BMPER: variants seen among roughly 807,000 people sequenced by gnomAD.
BMPER encodes BMP-binding endothelial regulator protein.
BMPER carries 45 observed loss-of-function variants against 87.3 expected under a neutral mutation model. That is an observed-to-expected ratio of 0.52 (90% CI 0.41 to 0.66). The LOEUF (loss-of-function observed/expected upper bound fraction) is 0.66. Among genes scored for constraint, BMPER ranks in the 30% least tolerant of loss-of-function variants. The pLI is 0.00. For synonymous variants in BMPER, 326 were observed against 316.2 expected (o/e 1.03, Z -0.33); for missense variants, 784 against 867.5 (o/e 0.90, Z 1.21).
At chr7:34,074,681 A>T (rs1221679998) in intron 11 of BMPER, among the ~76,000 whole-genome samples, 1 of 152,216 alleles carries the variant, frequency 6.6e-6, no homozygotes, top group Admixed American at 6.5e-5. Flanking sequence ...TGATCCGTGT[A>T]GTAGCAAAGT....
chr7:33,978,394 T>C (rs1422327981), intron 6 of BMPER, among the ~76,000 whole-genome samples: 1 of 152,232 alleles, frequency 6.6e-6, no homozygotes, highest in Non-Finnish European at 1.5e-5. Flanking sequence ...ATAGTACGAA[T>C]AGACTTTGAC....
intron 6 of BMPER, among the ~76,000 whole-genome samples, chr7:34,018,718 A>G (rs1787103222): frequency 6.6e-6 from 1 of 151,962 alleles, no homozygotes; most frequent in South Asian, 2.1e-4. Flanking sequence ...CATGCTGGAG[A>G]GGAACCATGT....
At chr7:33,973,289 C>T (rs144548937) in intron 5 of BMPER, among the ~76,000 whole-genome samples, 155 of 152,286 alleles carry the variant, frequency 1.0e-3, no homozygotes, top group African/African-American at 3.5e-3. Context: ...TAAAGAGAGA[C>T]GAGTGGGCAT....
At chr7:34,041,226 T>C (rs1277615571) in intron 6 of BMPER, among the ~76,000 whole-genome samples, 1 of 152,190 alleles carries the variant, frequency 6.6e-6, no homozygotes, top group Admixed American at 6.5e-5. Flanking sequence ...GCTTAGAGGC[T>C]CATTCTCTGC....
At chr7:33,916,411 G>A (rs2128603114) in intron 2 of BMPER, among the ~76,000 whole-genome samples, 1 of 152,314 alleles carries the variant, frequency 6.6e-6, no homozygotes, top group East Asian at 1.9e-4. Context: ...GTGACCAGTG[G>A]GCCTGCTGAG....
chr7:34,023,002 A>G (rs989350543), intron 6 of BMPER, among the ~76,000 whole-genome samples: 2 of 152,058 alleles, frequency 1.3e-5, no homozygotes, highest in Admixed American at 1.3e-4. Context: ...AATGAAGACT[A>G]TTTGAGAAGG....
At position 34,051,871 on chromosome 7, in the gene BMPER, A is replaced by G; in HGVS notation, c.687A>G (p.Lys229=). The change falls in exon 8 of 15, where the codon AAA becomes AAG. Residue 229 remains lysine, a synonymous_variant. Transcript: ENST00000649409. ...TCTGTTTCTCTCTAGGTCAGAGGAA[A>G]GTGTTTGACCTCCCTTTTGGGAGCT... is the stretch of plus-strand genomic sequence containing the variant. ...QCCPKCLGQR[K]VFDLPFGSCL... is the part of the protein sequence containing the mutation. 1.2e-6 allele frequency: 2 copies of G among 1,613,178 alleles called. No homozygotes were observed. Among genetic ancestry groups the G allele is most frequent in the South Asian group, 2.2e-5 (2 of 91,078 alleles).
intron 3 of BMPER, among the ~76,000 whole-genome samples, chr7:33,951,576 T>G (rs968838870): frequency 6.6e-6 from 1 of 152,144 alleles, no homozygotes; most frequent in Non-Finnish European, 1.5e-5. Context: ...GATTCAGCAT[T>G]TTGATTTTCC....
chr7:34,143,465 T>G, intron 14 of BMPER, 105 bp downstream of exon 14: 1 of 1,529,824 alleles, frequency 6.5e-7, no homozygotes, highest in Middle Eastern at 2.2e-4. Flanking sequence ...CATGCCCCCT[T>G]GCCAGAGGAA....
chr7:34,027,879 A>G (rs901387888), intron 6 of BMPER, among the ~76,000 whole-genome samples: 1 of 152,110 alleles, frequency 6.6e-6, no homozygotes, highest in African/African-American at 2.4e-5. Context: ...TATTTTTGAT[A>G]TTTTATAATG....
chr7:34,015,822 G>T (rs774663810), intron 6 of BMPER, among the ~76,000 whole-genome samples: 9 of 151,900 alleles, frequency 5.9e-5, no homozygotes, highest in Non-Finnish European at 1.2e-4. Flanking sequence ...GAGCAATGTG[G>T]CTCACGCTGA....
intron 6 of BMPER, among the ~76,000 whole-genome samples, chr7:33,988,002 T>C (rs1786059596): frequency 2.0e-5 from 3 of 152,212 alleles, no homozygotes; most frequent in African/African-American, 7.2e-5. Context: ...GAGTATCTTT[T>C]GGTCATATTT....
intron 13 of BMPER, among the ~76,000 whole-genome samples, chr7:34,129,630 G>GAGAAGGAAAGAAAGAA (rs1790515320): frequency 3.4e-4 from 19 of 56,274 alleles, no homozygotes; most frequent in Admixed American, 7.9e-4. Flanking sequence ...GAGAGAAAGA[G>GAGAAGGAAAGAAAGAA]AGAAAGAAAG....
intron 2 of BMPER, among the ~76,000 whole-genome samples, chr7:33,911,064 A>G (rs953994786): frequency 1.3e-5 from 2 of 152,264 alleles, no homozygotes; most frequent in Non-Finnish European, 2.9e-5. Context: ...CACTCAGTAT[A>G]TGCACAAATA....
At chr7:34,012,553 C>T (rs1320491665) in intron 6 of BMPER, among the ~76,000 whole-genome samples, 1 of 151,870 alleles carries the variant, frequency 6.6e-6, no homozygotes, top group Non-Finnish European at 1.5e-5. Context: ...CACACATACA[C>T]ACAGAAAACC....
At chr7:34,035,924 G>A (rs537555374) in intron 6 of BMPER, among the ~76,000 whole-genome samples, 1 of 152,290 alleles carries the variant, frequency 6.6e-6, no homozygotes, top group South Asian at 2.1e-4. Flanking sequence ...GTGATGTCTT[G>A]GGTTTCTGTC....
chr7:34,094,982 T>C (rs1344531577), intron 13 of BMPER, among the ~76,000 whole-genome samples: 1 of 152,230 alleles, frequency 6.6e-6, no homozygotes, highest in Non-Finnish European at 1.5e-5. Context: ...TCGGAATAAC[T>C]TCTTCCCATT....
At chr7:34,051,774 A>G in intron 7 of BMPER, 87 bp from the exon 8 acceptor site, 4 of 1,156,490 alleles carry the variant, frequency 3.5e-6, no homozygotes, top group South Asian at 2.5e-5. Flanking sequence ...ATAAGAATGT[A>G]TAATGGACCT....
chr7:34,111,679 T>C (rs1309809410), intron 13 of BMPER, among the ~76,000 whole-genome samples: 2 of 152,216 alleles, frequency 1.3e-5, no homozygotes, highest in African/African-American at 2.4e-5. Context: ...TCTGTGGGAA[T>C]TGCTATCAAT....
Sources: allele counts gnomAD v4.1 joint callset (sites outside exome capture counted in the v4.1 genomes callset), GRCh38; gene constraint gnomAD v4.1.1; transcripts MANE v1.5; gene names NCBI Gene and HGNC (gene_info 2026-07-23, HGNC 2026-07-21).